STXBP3: variants seen among roughly 807,000 people sequenced by gnomAD.
STXBP3 encodes syntaxin-binding protein 3.
A neutral mutation model predicts 85.7 loss-of-function variants in STXBP3; 41 were observed. The observed-to-expected ratio is 0.48, with a 90% CI of 0.37 to 0.62. The LOEUF is 0.62. STXBP3 is among the 20% of genes least tolerant of loss of function. STXBP3 has a pLI of 0.00. For missense variants in STXBP3, 563 were observed against 703.1 expected (o/e 0.80, Z 2.25); for synonymous variants, 229 against 231.7 (o/e 0.99, Z 0.10).
rs1424558323 is a variant in STXBP3, at chr1:108,771,628, C to G, written c.439-1037C>G. Among the ~76,000 whole-genome samples, 17 of 14,044 alleles carry G rather than the reference C, an allele frequency of 1.2e-3. 3 individuals are homozygous for G. The highest frequency in any genetic ancestry group is 3.3e-3 in the African/African-American group (12 of 3,680). The allele number at this position is 14,044 out of a possible 152,430, so 9.2% of individuals were successfully genotyped here. ...ATATATATGATATATATCTATATAT[C>G]ATATATAAATATATATGATATATAT... On this transcript the variant is annotated intron_variant, in intron 6 of 18. Transcript: ENST00000370008.
chr1:108,803,805 G>A (rs746317125), intron 17 of STXBP3, among the ~76,000 whole-genome samples: 14 of 152,154 alleles, frequency 9.2e-5, no homozygotes, highest in Non-Finnish European at 1.6e-4. Flanking sequence ...AGTCTTTACA[G>A]TTTTATCCGT....
chr1:108,758,698 ATAT>A (rs1662069521), intron 5 of STXBP3, 110 bp downstream of exon 5: 1 of 457,226 alleles, frequency 2.2e-6, no homozygotes, highest in Non-Finnish European at 3.8e-6. Context: ...ACTTTTTATA[ATAT>A]TATTTCAGTC....
At chr1:108,791,809 T>C (rs1268430458) in intron 11 of STXBP3, among the ~76,000 whole-genome samples, 1 of 152,144 alleles carries the variant, frequency 6.6e-6, no homozygotes, top group Non-Finnish European at 1.5e-5. Context: ...AGATAACCCC[T>C]TAACTCAGTC....
In STXBP3 at chr1:108,808,911, A is replaced by C. The variant is rs767146181; in HGVS notation, c.*34A>C. ...TTTGGAGGGTTTAGAGATTCTTACT[A>C]ATATGTTGAACTAAAATAGAAAGAA... On this transcript the variant is annotated 3_prime_UTR_variant, in exon 19 of 19. Coordinates refer to ENST00000370008, the MANE Select transcript of STXBP3 (RefSeq NM_007269.4). 2.2e-5 allele frequency: 31 copies of C among 1,416,738 alleles called. 1 individual carries two copies. In the South Asian group the frequency reaches 3.9e-4, roughly 18 times the overall value. The allele number at this position is 1,416,738 out of a possible 1,614,324, so 87.8% of individuals were successfully genotyped here.
chr1:108,751,619 G>A (rs1460465257), intron 1 of STXBP3, among the ~76,000 whole-genome samples: 3 of 151,944 alleles, frequency 2.0e-5, no homozygotes, highest in South Asian at 2.1e-4. Flanking sequence ...CATAGTGTGG[G>A]AAATTGTTTT....
chr1:108,807,981 C>T (rs78172147), intron 18 of STXBP3, among the ~76,000 whole-genome samples: 8,503 of 152,160 alleles, frequency 0.056, 259 homozygotes, highest in Admixed American at 0.072. Flanking sequence ...AATTGTTAAC[C>T]ATAGAATGTG....
At chr1:108,786,941 A>C (rs1029111848) in intron 11 of STXBP3, among the ~76,000 whole-genome samples, 11 of 152,230 alleles carry the variant, frequency 7.2e-5, no homozygotes, top group Non-Finnish European at 1.5e-4. Context: ...AGTTTATCTC[A>C]GCCGCATTTT....
chr1:108,799,275 A>G (rs1476084039), intron 16 of STXBP3, among the ~76,000 whole-genome samples: 2 of 152,210 alleles, frequency 1.3e-5, no homozygotes, highest in African/African-American at 2.4e-5. Flanking sequence ...TTTCTCTAAC[A>G]TAAGAATTTT....
intron 3 of STXBP3, among the ~76,000 whole-genome samples, chr1:108,756,361 GT>G (rs1662017447): frequency 6.6e-6 from 1 of 152,024 alleles, no homozygotes; most frequent in East Asian, 1.9e-4. Flanking sequence ...TTAAGCTTCA[GT>G]TTCCTCATTT....
intron 17 of STXBP3, among the ~76,000 whole-genome samples, chr1:108,804,697 AC>A (rs1553199187): frequency 6.6e-6 from 1 of 152,158 alleles, no homozygotes; most frequent in Non-Finnish European, 1.5e-5. Flanking sequence ...GGTTCCTCAG[AC>A]CATGAAGGTA....
chr1:108,782,555 TA>T, intron 10 of STXBP3, 38 bp downstream of exon 10: 1 of 1,606,256 alleles, frequency 6.2e-7, no homozygotes, highest in South Asian at 1.1e-5. Flanking sequence ...CCATAATTTT[TA>T]GACACTATGT....
intron 11 of STXBP3, among the ~76,000 whole-genome samples, chr1:108,792,231 C>CT (rs1229760122): frequency 6.6e-6 from 1 of 152,162 alleles, no homozygotes. Context: ...AATACTCCAT[C>CT]TTTTGATCCA....
intron 9 of STXBP3, chr1:108,782,196 C>T (rs1317432600): frequency 7.1e-6 from 3 of 421,292 alleles, no homozygotes; most frequent in Non-Finnish European, 1.3e-5. Context: ...AATAATGGCA[C>T]CTAAACTGAA....
intron 1 of STXBP3, among the ~76,000 whole-genome samples, chr1:108,749,095 A>G (rs770184220): frequency 7.9e-5 from 12 of 152,328 alleles, no homozygotes; most frequent in Non-Finnish European, 1.5e-4. Flanking sequence ...AAATCCAGAT[A>G]GGATTCTATT....
intron 1 of STXBP3, among the ~76,000 whole-genome samples, chr1:108,749,711 C>A (rs766891422): frequency 6.6e-6 from 1 of 152,116 alleles, no homozygotes; most frequent in Non-Finnish European, 1.5e-5. Flanking sequence ...AAAACTAGTT[C>A]GTTCTTTTAG....
Position 108,776,711 on chromosome 1 carries a change from C to T in STXBP3, c.684+288C>T, listed in dbSNP as rs79342830. Among the ~76,000 whole-genome samples, 734 of 152,112 alleles carry T rather than the reference C, an allele frequency of 4.8e-3. 12 individuals carry two copies. The highest frequency in any genetic ancestry group is 0.017 in the African/African-American group (704 of 41,506). On this transcript the variant is annotated intron_variant, in intron 8 of 18. Transcript: ENST00000370008. ...TCTATTTGGGCAAATTATGTAACTT[C>T]TATGTAACTACATTTTCTTTTCTAT...
At chr1:108,802,268 ACT>A (rs879551476) in intron 17 of STXBP3, among the ~76,000 whole-genome samples, 91 of 151,906 alleles carry the variant, frequency 6.0e-4, no homozygotes, top group South Asian at 1.0e-3. Context: ...ATGGTGGCAC[ACT>A]CCTGTAATCC....
chr1:108,763,914 T>C (rs1319640212), intron 6 of STXBP3, among the ~76,000 whole-genome samples: 4 of 152,162 alleles, frequency 2.6e-5, no homozygotes, highest in Non-Finnish European at 5.9e-5. Context: ...AGGTTTGGAG[T>C]ACATTTGCCA....
At chr1:108,751,009 A>G (rs1407665558) in intron 1 of STXBP3, among the ~76,000 whole-genome samples, 1 of 152,206 alleles carries the variant, frequency 6.6e-6, no homozygotes, top group Non-Finnish European at 1.5e-5. Context: ...CTCCTGGCAC[A>G]TGGTTTGTTC....
Sources: allele counts gnomAD v4.1 joint callset (sites outside exome capture counted in the v4.1 genomes callset), GRCh38; gene constraint gnomAD v4.1.1; transcripts MANE v1.5; gene names NCBI Gene and HGNC (gene_info 2026-07-23, HGNC 2026-07-21).